PLCL2: variants seen among roughly 807,000 people sequenced by gnomAD.
PLCL2 encodes the protein phospholipase C like 2.
In PLCL2, 4 loss-of-function variants were observed where a neutral mutation model predicts 79.6. The observed-to-expected ratio is 0.05, with a 90% confidence interval of 0.02 to 0.11. PLCL2 has a LOEUF of 0.11. PLCL2 is among the 10% of genes least tolerant of loss of function. The pLI is 1.00. For synonymous variants in PLCL2, 484 were observed against 457.7 expected (o/e 1.06, Z -0.73); for missense variants, 895 against 1,291.0 (o/e 0.69, Z 4.70).
intron 1 of PLCL2, among the ~76,000 whole-genome samples, chr3:16,979,849 T>G (rs1226909278): frequency 6.7e-6 from 1 of 150,258 alleles, no homozygotes; most frequent in African/African-American, 2.5e-5. Context: ...AATGAGCTGT[T>G]GGGTACACCT....
intron 1 of PLCL2, among the ~76,000 whole-genome samples, chr3:16,969,446 A>G (rs115856456): frequency 0.014 from 2,085 of 152,186 alleles, 51 homozygotes; most frequent in African/African-American, 0.049. Flanking sequence ...CAGGGATTCA[A>G]TTCCTTTCTG....
intron 1 of PLCL2, among the ~76,000 whole-genome samples, chr3:16,995,904 A>G (rs988577494): frequency 3.3e-5 from 5 of 152,188 alleles, no homozygotes; most frequent in African/African-American, 9.7e-5. Flanking sequence ...TACTGACTTT[A>G]AGCACAAAAG....
intron 3 of PLCL2, among the ~76,000 whole-genome samples, chr3:17,041,805 A>G (rs1369489997): frequency 1.3e-5 from 2 of 152,104 alleles, no homozygotes; most frequent in African/African-American, 2.4e-5. Context: ...TTAGCCAAGC[A>G]TGGTGGCACA....
intron 1 of PLCL2, among the ~76,000 whole-genome samples, chr3:16,902,949 C>A (rs1696663583): frequency 1.3e-5 from 2 of 151,538 alleles, no homozygotes. Flanking sequence ...CTACCCTCAA[C>A]CTTCATTAAT....
At position 16,971,047 on chromosome 3, in the gene PLCL2, A is replaced by G. The variant is rs1214625588; in HGVS notation, c.328-38627A>G. Among the ~76,000 whole-genome samples, 368 of 151,852 alleles carry G rather than the reference A, an allele frequency of 2.4e-3. 2 individuals are homozygous for G. Among genetic ancestry groups the G allele is most frequent in the African/African-American group, 6.4e-3 (266 of 41,386 alleles). On this transcript the variant is annotated intron_variant, in intron 1 of 5. Transcript: ENST00000615277. ...CTCTGATGGTAGTTTCTTTTGCTGT[A>G]CAGAAGCTCTTTAGTTTAATTAGAT...
intron 1 of PLCL2, among the ~76,000 whole-genome samples, chr3:16,979,360 A>AATTG (rs10623487): frequency 0.93 from 130,026 of 139,224 alleles, 60,757 homozygotes; most frequent in East Asian, 1. Flanking sequence ...TTTTTTTTTT[A>AATTG]ATCATTCTTG....
intron 1 of PLCL2, among the ~76,000 whole-genome samples, chr3:16,964,709 A>G (rs2063788259): frequency 1.3e-5 from 2 of 151,804 alleles, no homozygotes; most frequent in African/African-American, 4.8e-5. Context: ...AATGATTGCC[A>G]TTCTAACTGG....
In PLCL2 at chr3:17,040,045, T is replaced by C. The variant is rs569691129; in HGVS notation, c.3019-2829T>C. 7.9e-5 allele frequency among the ~76,000 whole-genome samples: 12 copies of C among 152,356 alleles called. No homozygotes were observed. In the East Asian group the frequency reaches 2.1e-3, roughly 27 times the overall value. ...ACATCCAATAGCTCACAGGTTACAA[T>C]AGCAATCCCACCTTTTTAGTTATTC... On this transcript the variant is annotated intron_variant, in intron 3 of 5. Transcript: ENST00000615277.
chr3:17,029,639 G>A (rs2064559910), intron 3 of PLCL2, among the ~76,000 whole-genome samples: 1 of 152,126 alleles, frequency 6.6e-6, no homozygotes, highest in Admixed American at 6.5e-5. Context: ...GGAAGCCTTG[G>A]GTAGGGATAG....
At chr3:17,014,302 G>T (rs1333021683) in intron 2 of PLCL2, among the ~76,000 whole-genome samples, 1 of 151,958 alleles carries the variant, frequency 6.6e-6, no homozygotes, top group Admixed American at 6.5e-5. Context: ...TGTATGGCTG[G>T]CATATTTGAT....
At chr3:16,987,056 C>A (rs2064057428) in intron 1 of PLCL2, among the ~76,000 whole-genome samples, 1 of 150,914 alleles carries the variant, frequency 6.6e-6, no homozygotes, top group Admixed American at 6.6e-5. Flanking sequence ...AAATGTCAGA[C>A]TTTTTTTTCC....
chr3:17,000,466 C>G, intron 1 of PLCL2, among the ~76,000 whole-genome samples: 1 of 152,016 alleles, frequency 6.6e-6, no homozygotes, highest in East Asian at 1.9e-4. Context: ...TCCAAATCTC[C>G]TCTTTTGAAA....
At chr3:16,977,874 C>T (rs946043601) in intron 1 of PLCL2, among the ~76,000 whole-genome samples, 1 of 152,158 alleles carries the variant, frequency 6.6e-6, no homozygotes, top group Non-Finnish European at 1.5e-5. Flanking sequence ...TAGGACTGCC[C>T]TCTGCTTCAT....
rs1696235773 is a variant in PLCL2 at position 16,886,823 on chromosome 3, G to A, written c.327+1457G>A. Among the ~76,000 whole-genome samples, 2 of 152,148 alleles carry A rather than the reference G, an allele frequency of 1.3e-5. No individual in the cohort carries two copies. The highest frequency in any genetic ancestry group is 4.8e-5 in the African/African-American group (2 of 41,424). Reference sequence around the variant, plus strand: ...ATTGACAGAGTTAGGTGACATTTCTGTTTTTATTTGTCATAAAATATTTGT... The same window carrying A: ...ATTGACAGAGTTAGGTGACATTTCTATTTTTATTTGTCATAAAATATTTGT... On this transcript the variant is annotated intron_variant, in intron 1 of 5. Coordinates refer to ENST00000615277, the MANE Select transcript of PLCL2 (RefSeq NM_001144382.2). The surrounding 1 kb of genome is among the most constrained non-coding windows in gnomAD (Gnocchi z 4.2).
At chr3:16,951,797 A>C (rs2063655058) in intron 1 of PLCL2, among the ~76,000 whole-genome samples, 1 of 151,880 alleles carries the variant, frequency 6.6e-6, no homozygotes, top group Non-Finnish European at 1.5e-5. Context: ...AAATTTCTGC[A>C]TGTATAGAAT....
chr3:16,974,443 T>C (rs34322012), intron 1 of PLCL2, among the ~76,000 whole-genome samples: 27,501 of 151,920 alleles, frequency 0.18, 3,058 homozygotes, highest in East Asian at 0.54. Flanking sequence ...GAAGAGTGGG[T>C]TGGTCAAAAA....
intron 5 of PLCL2, among the ~76,000 whole-genome samples, chr3:17,076,625 C>T (rs2065110506): frequency 6.6e-6 from 1 of 152,040 alleles, no homozygotes; most frequent in Non-Finnish European, 1.5e-5. Context: ...ATCTCAGCCT[C>T]CTGAGTAGCT....
rs1321784069 is a variant in PLCL2, at chr3:17,011,069, A to G, written c.1723A>G (p.Asn575Asp). ...ILIKAKKLSS[N>D]CSGVEGDVTD... is the part of the protein sequence containing the mutation. The stretch of plus-strand genomic sequence containing the variant: ...AATTAAAGCAAAGAAGCTGTCCTCA[A>G]ATTGCTCTGGGGTAGAAGGAGATGT... Residue 575 changes from asparagine to aspartate, a missense_variant, in exon 2 of 6, where the codon AAT becomes GAT. Coordinates refer to ENST00000615277, the MANE Select transcript of PLCL2 (RefSeq NM_001144382.2). The surrounding 1 kb of genome is among the most constrained non-coding windows in gnomAD (Gnocchi z 7.9). 2.5e-6 allele frequency: 4 copies of G among 1,613,952 alleles called. No homozygotes were observed. The highest frequency in any genetic ancestry group is 2.7e-5 in the African/African-American group (2 of 74,940).
chr3:16,915,468 T>C (rs924550868), intron 1 of PLCL2, among the ~76,000 whole-genome samples: 1 of 152,334 alleles, frequency 6.6e-6, no homozygotes, highest in African/African-American at 2.4e-5. Context: ...TTTCCTGTTA[T>C]AGTTATTCAT....
Sources: allele counts gnomAD v4.1 joint callset (sites outside exome capture counted in the v4.1 genomes callset), GRCh38; gene constraint gnomAD v4.1.1; non-coding constraint Gnocchi (gnomAD v3.1); transcripts MANE v1.5; gene names NCBI Gene and HGNC (gene_info 2026-07-23, HGNC 2026-07-21).